The following PCDHA2 variants were observed in gnomAD, a reference collection of about 807,000 sequenced individuals.
PCDHA2 encodes the protein protocadherin alpha-2.
In PCDHA2, 58 loss-of-function variants were observed where a neutral mutation model predicts 66.0. The ratio of observed to expected loss-of-function variants is 0.88; its 90% confidence interval spans 0.71 to 1.09. PCDHA2 has a LOEUF of 1.09. Ranked by LOEUF, PCDHA2 falls within the 50% of genes least tolerant of loss-of-function variation. The probability of loss-of-function intolerance (pLI) is 0.00; values close to 1 mark genes in which losing one functional copy is unlikely to be tolerated. For missense variants in PCDHA2, 1,267 were observed against 1,242.3 expected (o/e 1.02, Z -0.30); for synonymous variants, 634 against 554.0 (o/e 1.14, Z -2.03).
intron 1 of PCDHA2, chr5:140,876,605 A>G: frequency 1.2e-6 from 2 of 1,614,060 alleles, no homozygotes; most frequent in South Asian, 1.1e-5. Flanking sequence ...TCGGATCGTG[A>G]CTCTGGAGCC....
intron 1 of PCDHA2, among the ~76,000 whole-genome samples, chr5:140,923,976 A>G (rs1257687753): frequency 6.6e-6 from 1 of 152,176 alleles, no homozygotes; most frequent in Non-Finnish European, 1.5e-5. Context: ...CACACATACT[A>G]TCCCTCTAGG....
chr5:140,918,748 C>T (rs1303112000), intron 1 of PCDHA2, among the ~76,000 whole-genome samples: 1 of 152,110 alleles, frequency 6.6e-6, no homozygotes, highest in Non-Finnish European at 1.5e-5. Flanking sequence ...ATAAAAGAGG[C>T]CCAGAGAGGT....
chr5:140,873,292 T>C (rs1399834963), intron 1 of PCDHA2, among the ~76,000 whole-genome samples: 1 of 152,210 alleles, frequency 6.6e-6, no homozygotes, highest in Admixed American at 6.5e-5. Context: ...TATGAAACTT[T>C]ATAAATATAA....
chr5:140,842,820 G>A (rs1554139418), intron 1 of PCDHA2: 2 of 1,593,888 alleles, frequency 1.3e-6, no homozygotes, highest in African/African-American at 2.7e-5. Context: ...CGGCGGGTGG[G>A]CGAGCGCTCG....
chr5:140,857,737 G>C (rs782448076), intron 1 of PCDHA2: 4 of 1,597,412 alleles, frequency 2.5e-6, no homozygotes, highest in Middle Eastern at 1.8e-4. Context: ...ACGCTCCCGC[G>C]CTGCTGGCGT....
chr5:140,972,515 G>A (rs572041832), intron 1 of PCDHA2, among the ~76,000 whole-genome samples: 1 of 152,166 alleles, frequency 6.6e-6, no homozygotes, highest in South Asian at 2.1e-4. Flanking sequence ...TTTACCCCCA[G>A]TGAGCTTATT....
chr5:140,881,362 G>C, intron 1 of PCDHA2: 6 of 985,132 alleles, frequency 6.1e-6, no homozygotes, highest in Non-Finnish European at 7.2e-6. Context: ...CGTGGCTTTC[G>C]TATGAATTGC....
chr5:140,795,887 T>C lies in PCDHA2; in HGVS notation c.923T>C (p.Leu308Ser). The C allele has an allele frequency of 6.2e-7, 1 of 1,613,926 alleles. No homozygotes were observed. Among genetic ancestry groups the C allele is most frequent in the Non-Finnish European group, 8.5e-7 (1 of 1,179,970 alleles). ...GGGGAAATCAGAACTAAGGGAAAAT[T>C]AGATTATGAAGAAGCAAAGTCCTAC... ...ISGEIRTKGKLDYEEAKSYEI... is the reference protein window; with the variant it reads ...ISGEIRTKGKSDYEEAKSYEI... The change falls in exon 1 of 4, where the codon TTA (leucine) becomes TCA (serine). Residue 308 changes from leucine (L) to serine (S), a missense_variant. By Grantham distance (145) the Leu-to-Ser change is moderately radical. Transcript: ENST00000526136.
Position 140,795,523 on chromosome 5 carries a change from G to A in PCDHA2, c.559G>A (p.Glu187Lys), listed in dbSNP as rs781948718. Residue 187 changes from glutamate (E) to lysine (K), a missense_variant, in exon 1 of 4, where the codon GAA becomes AAA. Transcript: ENST00000526136. ...CTTCCTAGATATACAGGCAAATGAT[G>A]AACTAAGCGAATCTTTGTCTCTCGT... ...FFFLDIQAND[E>K]LSESLSLVLG... is the part of the protein sequence containing the mutation. 1.2e-6 allele frequency: 2 copies of A among 1,614,152 alleles called. No homozygotes were observed. The highest frequency in any genetic ancestry group is 1.6e-4 in the Middle Eastern group (1 of 6,062).
At chr5:140,843,305 A>C (rs2150356964) in intron 1 of PCDHA2, 9 of 1,595,822 alleles carry the variant, frequency 5.6e-6, no homozygotes, top group Non-Finnish European at 7.7e-6. Flanking sequence ...GCTGACCGCC[A>C]CGGCCACGGT....
At chr5:140,877,631 C>A (rs1220029307) in intron 1 of PCDHA2, 2 of 1,613,768 alleles carry the variant, frequency 1.2e-6, no homozygotes, top group South Asian at 1.1e-5. Flanking sequence ...CTGTACACTG[C>A]GCTGCGTTGC....
chr5:140,853,932 G>C, intron 1 of PCDHA2: 6 of 869,474 alleles, frequency 6.9e-6, no homozygotes, highest in Non-Finnish European at 8.4e-6. Flanking sequence ...ATTTTGGGAG[G>C]CCAAGGTGGG....
rs71583613 is a variant in PCDHA2 at position 141,001,265 on chromosome 5, T to G, written c.2537-8362T>G. 5.1e-4 allele frequency among the ~76,000 whole-genome samples: 78 copies of G among 152,286 alleles called. No individual in the cohort carries two copies. In the Middle Eastern group the frequency reaches 0.01, roughly 20 times the overall value. On this transcript the variant is annotated intron_variant, in intron 3 of 3. Transcript: ENST00000526136. ...CAACCCTATGGGGCGGGCACTCTTATGAACTTTTTTTACGGATGAAAACTG... is the reference window on the plus strand; with the variant it reads ...CAACCCTATGGGGCGGGCACTCTTAGGAACTTTTTTTACGGATGAAAACTG...
intron 1 of PCDHA2, chr5:140,884,272 G>A (rs1554181402): frequency 6.2e-7 from 1 of 1,613,574 alleles, no homozygotes; most frequent in South Asian, 1.1e-5. Flanking sequence ...TGCTGTTGTC[G>A]CTGGTGGAGA....
intron 1 of PCDHA2, among the ~76,000 whole-genome samples, chr5:140,959,555 T>A (rs538493851): frequency 1.3e-5 from 2 of 152,118 alleles, no homozygotes; most frequent in African/African-American, 4.8e-5. Flanking sequence ...ATAAATAGAA[T>A]CAGTACTAGA....
intron 1 of PCDHA2, among the ~76,000 whole-genome samples, chr5:140,920,841 T>TAAA (rs781921146): frequency 2.7e-5 from 3 of 109,230 alleles, no homozygotes; most frequent in East Asian, 2.6e-4. Context: ...AGACCAAATC[T>TAAA]AAAAAAAAAA....
intron 3 of PCDHA2, among the ~76,000 whole-genome samples, chr5:141,007,388 TAAAATAC>T (rs1451350698): frequency 1.5e-5 from 1 of 67,196 alleles, no homozygotes; most frequent in Non-Finnish European, 2.7e-5. Context: ...CCATCTCTAC[TAAAATAC>T]AAAAAAAAAA....
intron 3 of PCDHA2, among the ~76,000 whole-genome samples, chr5:140,997,728 A>G (rs1376007377): frequency 6.6e-6 from 1 of 152,030 alleles, no homozygotes; most frequent in Non-Finnish European, 1.5e-5. Flanking sequence ...ACGTCAGTAC[A>G]TATAGATTTG....
intron 1 of PCDHA2, among the ~76,000 whole-genome samples, chr5:140,827,031 A>G (rs1396094273): frequency 6.6e-6 from 1 of 152,234 alleles, no homozygotes; most frequent in East Asian, 1.9e-4. Flanking sequence ...GAATTTAAAA[A>G]TTTGAATTTG....
Sources: gnomAD v4.1 joint callset for allele counts (sites outside exome capture counted in the v4.1 genomes callset) on GRCh38, gnomAD v4.1.1 for gene constraint, MANE v1.5 for transcripts, NCBI Gene and HGNC (gene_info 2026-07-23, HGNC 2026-07-21) for gene names.